VWA2: variants seen among roughly 807,000 people sequenced by gnomAD.
The protein encoded by VWA2 is von Willebrand factor A domain-containing protein 2.
A neutral mutation model predicts 70.4 loss-of-function variants in VWA2; 73 were observed. That is an observed-to-expected ratio of 1.04 (90% CI 0.86 to 1.26). VWA2 has a LOEUF of 1.26. VWA2 is among the 50% of genes most tolerant of loss of function. VWA2 has a pLI of 0.00. For missense variants in VWA2, 1,011 were observed against 998.5 expected (o/e 1.01, Z -0.17); for synonymous variants, 407 against 423.3 (o/e 0.96, Z 0.47).
chr10:114,239,827 G>T (rs1040520025), intron 1 of VWA2, among the ~76,000 whole-genome samples: 2 of 152,218 alleles, frequency 1.3e-5, no homozygotes, highest in African/African-American at 4.8e-5. Context: ...CTCGCGGTCC[G>T]TCCCGGGCGA....
rs774185797 is a variant in VWA2 at position 114,277,942 on chromosome 10, G to T, written c.595G>T (p.Glu199Ter). ...RWEELHALAS[E>*]PRGQHVLLAE... is the part of the protein sequence containing the mutation. ...GGAGGAGCTGCATGCACTGGCCAGC[G>T]AGCCTAGAGGGCAGCACGTGCTGTT... Residue 199 changes from glutamate to a stop codon, truncating the protein, a stop_gained, in exon 7 of 14, where the codon GAG becomes TAG. Coordinates refer to ENST00000392982, the MANE Select transcript of VWA2 (RefSeq NM_001272046.2). LOFTEE classifies it high-confidence loss of function. 9.2e-5 allele frequency: 148 copies of T among 1,610,774 alleles called. No individual in the cohort carries two copies. The highest frequency in any genetic ancestry group is 1.2e-4 in the Non-Finnish European group (145 of 1,178,556).
At chr10:114,253,853 G>A in intron 3 of VWA2, 128 bp downstream of exon 3, 1 of 901,034 alleles carries the variant, frequency 1.1e-6, no homozygotes, top group Non-Finnish European at 1.7e-6. Context: ...TCTGGCCAGA[G>A]TCATTTTCCC....
At chr10:114,289,584 C>T in intron 12 of VWA2, 95 bp downstream of exon 12, 1 of 1,438,240 alleles carries the variant, frequency 7.0e-7, no homozygotes, top group South Asian at 1.2e-5. Context: ...CAGCTCTTCC[C>T]AGCTACTGAG....
intron 4 of VWA2, among the ~76,000 whole-genome samples, chr10:114,256,269 T>C (rs542795455): frequency 6.6e-6 from 1 of 152,344 alleles, no homozygotes; most frequent in African/African-American, 2.4e-5. Flanking sequence ...ATTGAAACGC[T>C]AGGCAGCTCC....
chr10:114,274,297 G>A (rs1234203839), intron 6 of VWA2, among the ~76,000 whole-genome samples: 1 of 152,184 alleles, frequency 6.6e-6, no homozygotes, highest in East Asian at 1.9e-4. Flanking sequence ...GCAGGGGAAT[G>A]ATATCTTCAG....
intron 11 of VWA2, 107 bp downstream of exon 11, chr10:114,286,618 GA>G: frequency 1.1e-6 from 1 of 945,658 alleles, no homozygotes; most frequent in East Asian, 2.6e-5. Flanking sequence ...TCTAGGGGCT[GA>G]AACCACAGCC....
intron 2 of VWA2, among the ~76,000 whole-genome samples, chr10:114,250,984 G>A (rs1038186006): frequency 1.3e-5 from 2 of 152,248 alleles, no homozygotes; most frequent in African/African-American, 4.8e-5. Context: ...AGGTCACACA[G>A]CTATGTAGCA....
intron 9 of VWA2, among the ~76,000 whole-genome samples, chr10:114,284,336 T>C (rs1231452347): frequency 6.6e-6 from 1 of 152,140 alleles, no homozygotes; most frequent in Non-Finnish European, 1.5e-5. Flanking sequence ...ACAGAACAAG[T>C]TCAGTTCCCA....
At chr10:114,290,503 C>T in intron 13 of VWA2, 138 bp downstream of exon 13, 1 of 1,223,816 alleles carries the variant, frequency 8.2e-7, no homozygotes, top group Non-Finnish European at 1.1e-6. Flanking sequence ...ACCCACGAAA[C>T]ATTTAGTGAG....
At chr10:114,283,504 G>A (rs552322773) in intron 9 of VWA2, among the ~76,000 whole-genome samples, 1 of 152,310 alleles carries the variant, frequency 6.6e-6, no homozygotes, top group South Asian at 2.1e-4. Context: ...GAGAATCTGA[G>A]AGTGGAGCTG....
chr10:114,267,112 T>C (rs908115059), intron 5 of VWA2, among the ~76,000 whole-genome samples: 1 of 152,210 alleles, frequency 6.6e-6, no homozygotes, highest in African/African-American at 2.4e-5. Flanking sequence ...GTGGGTTTTC[T>C]TTTCTTTCTT....
intron 5 of VWA2, among the ~76,000 whole-genome samples, chr10:114,269,591 GAAAAC>G (rs1226555421): frequency 1.3e-5 from 2 of 152,086 alleles, no homozygotes; most frequent in African/African-American, 4.8e-5. Context: ...AAAAAAATAA[GAAAAC>G]AAAATCTGGC....
chr10:114,290,013 C>A, intron 12 of VWA2: 38 of 353,830 alleles, frequency 1.1e-4, no homozygotes, highest in East Asian at 1.6e-4. Flanking sequence ...AAAAAAAAGT[C>A]TGCCATGTGT....
intron 4 of VWA2, among the ~76,000 whole-genome samples, chr10:114,259,752 A>G (rs2037404673): frequency 1.3e-5 from 2 of 152,220 alleles, no homozygotes; most frequent in Middle Eastern, 3.4e-3. Flanking sequence ...CACACACTAA[A>G]TTCAAGGAAA....
intron 4 of VWA2, 22 bp from the exon 5 acceptor site, chr10:114,261,164 A>G (rs1236938770): frequency 3.8e-6 from 6 of 1,573,502 alleles, no homozygotes; most frequent in Non-Finnish European, 5.2e-6. Context: ...CGGGGCCCTG[A>G]GCCCCCTGTC....
In VWA2 at chr10:114,274,659, C is replaced by CT. The variant is rs561447449; in HGVS notation, c.566+1739dup. 5.5e-3 allele frequency among the ~76,000 whole-genome samples: 798 copies of CT among 144,190 alleles called. 5 individuals carry two copies. Among genetic ancestry groups the CT allele is most frequent in the African/African-American group, 0.018 (700 of 39,532 alleles). The allele number at this position is 144,190 out of a possible 152,430, so 94.6% of individuals were successfully genotyped here. On this transcript the variant is annotated intron_variant, in intron 6 of 13. Transcript: ENST00000392982. ...CTGTGCACGCCACCACACCTGGCTA[C>CT]TTTTTTTTTTTTTTAAATAGAGATA...
intron 7 of VWA2, 41 bp downstream of exon 7, chr10:114,278,088 G>A: frequency 2.5e-6 from 4 of 1,585,704 alleles, no homozygotes; most frequent in Non-Finnish European, 2.6e-6. Context: ...GTGCCATGTG[G>A]GGTCGGGGAG....
At chr10:114,241,083 AG>A (rs2036967109) in intron 1 of VWA2, among the ~76,000 whole-genome samples, 1 of 152,174 alleles carries the variant, frequency 6.6e-6, no homozygotes, top group Non-Finnish European at 1.5e-5. Context: ...TTAGAGTGTT[AG>A]GTTCAAAGCA....
Position 114,292,347 on chromosome 10 carries a change from T to A in VWA2, c.*1110T>A, listed in dbSNP as rs1004621952. Among the ~76,000 whole-genome samples the A allele has an allele frequency of 1.3e-5, 2 of 151,988 alleles. No individual in the cohort carries two copies. Among genetic ancestry groups the A allele is most frequent in the East Asian group, 1.9e-4 (1 of 5,198 alleles). ...TATGGAATTCTTTCCTTATTCTCCT[T>A]TTAGTGGGGCAAAGAGAAGTAAGAT... On this transcript the variant is annotated 3_prime_UTR_variant, in exon 14 of 14. Coordinates refer to ENST00000392982, the MANE Select transcript of VWA2 (RefSeq NM_001272046.2).
Sources: allele counts gnomAD v4.1 joint callset (sites outside exome capture counted in the v4.1 genomes callset), GRCh38; gene constraint gnomAD v4.1.1; transcripts MANE v1.5; gene names NCBI Gene and HGNC (gene_info 2026-07-23, HGNC 2026-07-21).